Variants in GPHN observed in about 807,000 individuals in gnomAD.
GPHN encodes the protein gephyrin.
In GPHN, 17 loss-of-function variants were observed where a neutral mutation model predicts 95.5. The ratio of observed to expected loss-of-function variants is 0.18; its 90% CI spans 0.12 to 0.27. GPHN has a LOEUF of 0.27. Ranked by LOEUF, GPHN falls within the 10% of genes least tolerant of loss-of-function variation. GPHN has a pLI of 1.00. For synonymous variants in GPHN, 320 were observed against 322.5 expected (o/e 0.99, Z 0.08); for missense variants, 660 against 978.1 (o/e 0.67, Z 4.34).
At chr14:67,092,035 G>A (rs893756045) in intron 12 of GPHN, among the ~76,000 whole-genome samples, 2 of 151,974 alleles carry the variant, frequency 1.3e-5, no homozygotes, top group East Asian at 1.9e-4. Flanking sequence ...AGTAGGAATG[G>A]TTAGTATGTC....
the GPHN span, chr14:67,222,087 A>G: frequency 2.7e-6 from 1 of 373,346 alleles, no homozygotes; most frequent in East Asian, 4.6e-5. Context: ...CCCTGTATCT[A>G]AATCATCAAG....
Position 66,772,631 on chromosome 14 carries a change from G to A in GPHN, c.144-3833G>A, listed in dbSNP as rs531958445. Among the ~76,000 whole-genome samples the A allele has an allele frequency of 5.3e-5, 8 of 152,254 alleles. No individual in the cohort carries two copies. The South Asian group carries it at 1.5e-3, about 28-fold the overall frequency. ...ATAATGGCCAAATTCACAGGTACACGTTTAGCACTATTTCTTCCTGAATAG... is the reference window on the plus strand; with the variant it reads ...ATAATGGCCAAATTCACAGGTACACATTTAGCACTATTTCTTCCTGAATAG... On this transcript the variant is annotated intron_variant, in intron 2 of 22. Coordinates refer to ENST00000478722, the MANE Select transcript of GPHN (RefSeq NM_020806.5).
chr14:66,944,580 T>C (rs2067628931), intron 8 of GPHN, among the ~76,000 whole-genome samples: 1 of 152,136 alleles, frequency 6.6e-6, no homozygotes, highest in Non-Finnish European at 1.5e-5. Flanking sequence ...GCAAAATCTC[T>C]TCCAAAAGGA....
At chr14:67,426,445 G>A in the GPHN span, among the ~76,000 whole-genome samples, 4 of 152,198 alleles carry the variant, frequency 2.6e-5, no homozygotes, top group African/African-American at 9.6e-5. Context: ...CTGCCTCTTC[G>A]CTGTTGGCAC....
chr14:67,714,885 A>G, the GPHN span: 2 of 152,288 alleles, frequency 1.3e-5, no homozygotes, highest in African/African-American at 4.8e-5. Context: ...GCTTCTGCCA[A>G]CTCAAGGCAT....
chr14:66,549,746 G>A (rs114594108), intron 1 of GPHN, among the ~76,000 whole-genome samples: 9 of 152,278 alleles, frequency 5.9e-5, no homozygotes, highest in African/African-American at 2.2e-4. Flanking sequence ...GACATGCTGA[G>A]TCTCTCATTA....
At chr14:66,630,326 G>C (rs1722450622) in intron 1 of GPHN, among the ~76,000 whole-genome samples, 2 of 152,092 alleles carry the variant, frequency 1.3e-5, no homozygotes, top group Admixed American at 6.6e-5. Flanking sequence ...TGTGGGGTCA[G>C]ATCTATCCTG....
intron 1 of GPHN, among the ~76,000 whole-genome samples, chr14:66,553,012 A>AAG (rs2059877919): frequency 1.4e-5 from 2 of 146,090 alleles, no homozygotes; most frequent in South Asian, 4.3e-4. Flanking sequence ...TTTTTTAGAC[A>AAG]AGAGTTTCGT....
chr14:67,190,961 C>T, the GPHN span, among the ~76,000 whole-genome samples: 3 of 152,218 alleles, frequency 2.0e-5, no homozygotes, highest in Non-Finnish European at 4.4e-5. Context: ...TAGCCAGGTG[C>T]AGTGGCTCAT....
chr14:67,380,742 C>A, the GPHN span: 1 of 1,546,038 alleles, frequency 6.5e-7, no homozygotes, highest in South Asian at 1.3e-5. Context: ...CGCTTGACCC[C>A]ACAGGCTGTC....
chr14:67,555,688 A>T, the GPHN span: 1 of 1,257,828 alleles, frequency 8.0e-7, no homozygotes, highest in Non-Finnish European at 1.1e-6. Context: ...TTACCCTGAC[A>T]CTCTCGAGCC....
chr14:67,227,484 C>T, the GPHN span: 1 of 150,426 alleles, frequency 6.6e-6, no homozygotes, highest in Admixed American at 6.6e-5. Context: ...GCTCCCAAAT[C>T]CTTATATTTT....
At chr14:66,518,376 T>C (rs1414834292) in intron 1 of GPHN, among the ~76,000 whole-genome samples, 1 of 152,118 alleles carries the variant, frequency 6.6e-6, no homozygotes, top group Non-Finnish European at 1.5e-5. Flanking sequence ...GGACCTCTTA[T>C]ATACTGTTAA....
At chr14:67,165,253 C>G in intron 20 of GPHN, 27 bp downstream of exon 20, 5 of 1,543,908 alleles carry the variant, frequency 3.2e-6, no homozygotes, top group Non-Finnish European at 4.5e-6. Context: ...GTTTCCTTTC[C>G]TTTTTCTGGA....
chr14:67,180,929 C>T lies in GPHN; in HGVS notation c.2302C>T (p.Arg768Trp), dbSNP rs780146563. ...GGTGGTGGATGTCATGGTCATTGGA[C>T]GGCTATGATGGTCACCAGCAGGAGA... Reference protein sequence around the residue: ...GEVVDVMVIGRL With the variant: ...GEVVDVMVIGWL The change falls in exon 23 of 23, where the codon CGG (arginine) becomes TGG (tryptophan). Residue 768 changes from arginine (R) to tryptophan (W), a missense_variant. Physicochemically the swap from Arg to Trp is moderately radical, Grantham distance 101. This residue lies in a region of GPHN where 48 missense variants were observed against 137.4 expected (regional missense o/e 0.35). Transcript: ENST00000478722. The T allele has an allele frequency of 9.3e-6, 15 of 1,613,754 alleles. No individual in the cohort carries two copies. The Middle Eastern group carries it at 4.9e-4, about 53-fold the overall frequency.
chr14:67,339,524 C>A, the GPHN span, among the ~76,000 whole-genome samples: 1 of 152,160 alleles, frequency 6.6e-6, no homozygotes, highest in African/African-American at 2.4e-5. Context: ...CCTCCCATTT[C>A]TCTGAACCGA....
At chr14:67,420,894 TGA>T in the GPHN span, among the ~76,000 whole-genome samples, 1 of 152,216 alleles carries the variant, frequency 6.6e-6, no homozygotes, top group African/African-American at 2.4e-5. Flanking sequence ...AAACAATGAT[TGA>T]GAGAGCAGGC....
chr14:66,643,035 A>G (rs1373140300), intron 1 of GPHN, among the ~76,000 whole-genome samples: 1 of 152,120 alleles, frequency 6.6e-6, no homozygotes, highest in Non-Finnish European at 1.5e-5. Flanking sequence ...ATGAAAGAAG[A>G]TACTTGTAAT....
At chr14:66,681,287 A>G (rs1281993165) in intron 2 of GPHN, 102 bp downstream of exon 2, 2 of 768,188 alleles carry the variant, frequency 2.6e-6, no homozygotes, top group Admixed American at 2.2e-5. Flanking sequence ...AGGTACAACA[A>G]TTTTTTCTTT....
Sources: allele counts gnomAD v4.1 joint callset (sites outside exome capture counted in the v4.1 genomes callset), GRCh38; gene constraint gnomAD v4.1.1; regional missense constraint gnomAD v4.1.1; transcripts MANE v1.5; gene names NCBI Gene and HGNC (gene_info 2026-07-23, HGNC 2026-07-21).